The following CORO7 variants were observed in gnomAD, a reference collection of about 807,000 sequenced individuals.
CORO7 encodes the protein coronin 7, also known as coronin-7.
A neutral mutation model predicts 126.6 loss-of-function variants in CORO7; 107 were observed. The observed-to-expected ratio is 0.85, with a 90% CI of 0.72 to 0.99. CORO7 has a LOEUF of 0.99. Among genes scored for constraint, CORO7 ranks in the 50% least tolerant of loss-of-function variants. The pLI is 0.00. For missense variants in CORO7, 1,314 were observed against 1,255.8 expected (o/e 1.05, Z -0.70); for synonymous variants, 603 against 536.8 (o/e 1.12, Z -1.70).
chr16:4,381,251 G>T (rs750677669), intron 9 of CORO7: 2 of 1,611,352 alleles, frequency 1.2e-6, no homozygotes, highest in Non-Finnish European at 8.5e-7. Flanking sequence ...GGCCTGCGGC[G>T]CCTCGAGCGC....
chr16:4,359,611 G>C lies in CORO7; in HGVS notation c.2119C>G (p.Arg707Gly). The change falls in exon 22 of 28, where the codon CGC becomes GGC. Residue 707 changes from arginine (R) to glycine (G), a missense_variant. Arg to Gly is a moderately radical substitution (Grantham distance 125, BLOSUM62 -2). Transcript: ENST00000251166. ...TCAGCTTCATATAGGAGCAGCTGGC[G>C]CTCACTTTGGCTGCAAGGGGGTTTG... The part of the protein sequence containing the change: ...LVSGFDSQSE[R>G]QLLLYEAEAL... 1 of 1,596,948 alleles carries C rather than the reference G, an allele frequency of 6.3e-7. No individual in the cohort carries two copies. Among genetic ancestry groups the C allele is most frequent in the Non-Finnish European group, 8.6e-7 (1 of 1,169,394 alleles).
intron 6 of CORO7, among the ~76,000 whole-genome samples, chr16:4,395,984 T>TGTGC (rs2055572492): frequency 1.8e-5 from 1 of 54,578 alleles, no homozygotes; most frequent in Non-Finnish European, 4.4e-5. Flanking sequence ...AATGTGTGTG[T>TGTGC]GCATGCACAC....
At chr16:4,382,652 C>T (rs570413886) in intron 9 of CORO7, 8 of 1,553,966 alleles carry the variant, frequency 5.1e-6, no homozygotes, top group South Asian at 4.7e-5. Context: ...GCGCTGGCTG[C>T]GGTGGGGGCA....
intron 6 of CORO7, among the ~76,000 whole-genome samples, chr16:4,402,605 C>A (rs1051305221): frequency 6.6e-6 from 1 of 152,144 alleles, no homozygotes; most frequent in Non-Finnish European, 1.5e-5. Context: ...CAGGGCTGGG[C>A]GCTGGGGCTA....
At position 4,413,392 on chromosome 16, in the gene CORO7, C is replaced by T. The variant is rs2056287688; in HGVS notation, c.73G>A (p.Asp25Asn). 6.4e-7 allele frequency: 1 copy of T among 1,573,950 alleles called. No homozygotes were observed. ...RPPRRESWIS[D>N]IRAGTAPSCR... is the part of the protein sequence containing the mutation. ...GAAGGGGCGGTTCCTGCTCGAATGT[C>T]ACTGATCCAGGACTGAAAATCAAGA... is the stretch of plus-strand genomic sequence containing the variant. Residue 25 changes from aspartate (D) to asparagine (N), a missense_variant, in exon 2 of 28, where the codon GAC becomes AAC. Coordinates refer to ENST00000251166, the MANE Select transcript of CORO7 (RefSeq NM_024535.5).
rs763561672 is a variant in CORO7 at position 4,362,202 on chromosome 16, G to A, written c.1403-42C>T. 2.4e-5 allele frequency: 38 copies of A among 1,576,578 alleles called. No individual in the cohort carries two copies. Among genetic ancestry groups the A allele is most frequent in the African/African-American group, 1.5e-4 (11 of 73,868 alleles). On this transcript the variant is annotated intron_variant, in intron 15 of 27. Transcript: ENST00000251166. The surrounding 1 kb of genome is among the most constrained non-coding windows in gnomAD (Gnocchi z 5.3). ...ACATGGAACCACGTGTGAGGATGCCGTCCCCGCCCGCCCTGCACTCTTTGA... is the reference window on the plus strand; with the variant it reads ...ACATGGAACCACGTGTGAGGATGCCATCCCCGCCCGCCCTGCACTCTTTGA...
At chr16:4,416,380 C>T in intron 1 of CORO7, 79 bp downstream of exon 1, 1 of 1,453,428 alleles carries the variant, frequency 6.9e-7, no homozygotes. Context: ...TGGAGGGCAC[C>T]CCTGTGGGGT....
At chr16:4,386,002 C>G (rs2055180693) in intron 9 of CORO7, among the ~76,000 whole-genome samples, 1 of 152,224 alleles carries the variant, frequency 6.6e-6, no homozygotes. Context: ...GCTCAGAGGC[C>G]CCGGCACCCC....
intron 7 of CORO7, among the ~76,000 whole-genome samples, chr16:4,394,736 A>C (rs1053783748): frequency 6.6e-6 from 1 of 152,200 alleles, no homozygotes; most frequent in Non-Finnish European, 1.5e-5. Context: ...TCCTGCCTAC[A>C]AGGTCTCTGT....
chr16:4,376,027 G>A (rs2054713571), intron 9 of CORO7, among the ~76,000 whole-genome samples: 1 of 152,176 alleles, frequency 6.6e-6, no homozygotes, highest in Non-Finnish European at 1.5e-5. Context: ...GGTGGTGGAT[G>A]GAGTAAGAAA....
At chr16:4,392,530 C>A (rs913439398) in intron 7 of CORO7, among the ~76,000 whole-genome samples, 1 of 152,308 alleles carries the variant, frequency 6.6e-6, no homozygotes, top group African/African-American at 2.4e-5. Flanking sequence ...GGAGGGCGGA[C>A]TCCCTGGCCC....
At chr16:4,402,841 G>A (rs1004937218) in intron 6 of CORO7, among the ~76,000 whole-genome samples, 5 of 152,266 alleles carry the variant, frequency 3.3e-5, no homozygotes, top group Admixed American at 1.3e-4. Context: ...AGGAGAGCGC[G>A]CCCCCTAGCG....
intron 6 of CORO7, among the ~76,000 whole-genome samples, chr16:4,400,915 G>A (rs191419255): frequency 2.6e-4 from 40 of 152,160 alleles, no homozygotes; most frequent in Admixed American, 7.2e-4. Flanking sequence ...AGGAGGTAAG[G>A]AATATGGAAA....
intron 7 of CORO7, among the ~76,000 whole-genome samples, chr16:4,394,689 C>T (rs1043321333): frequency 5.3e-5 from 8 of 152,234 alleles, no homozygotes; most frequent in Non-Finnish European, 1.0e-4. Context: ...GCAATGTTTA[C>T]GGAGCCAGAC....
Position 4,362,763 on chromosome 16 carries a change from A to C in CORO7, c.1276-25T>G. The C allele has an allele frequency of 7.4e-7, 1 of 1,357,198 alleles. No individual in the cohort carries two copies. Among genetic ancestry groups the C allele is most frequent in the African/African-American group, 1.5e-5 (1 of 66,026 alleles). The allele number at this position is 1,357,198 out of a possible 1,614,324, so 84.1% of individuals were successfully genotyped here. The stretch of plus-strand genomic sequence containing the variant: ...CCTGGGGAGGGGCATGGGGTCAGCC[A>C]GCCTGCTCCTAGGTGTACTGGCCAA... On this transcript the variant is annotated intron_variant, in intron 14 of 27. Coordinates refer to ENST00000251166, the MANE Select transcript of CORO7 (RefSeq NM_024535.5). This position sits in a 1 kb window ranked among gnomAD's most constrained non-coding sequence, Gnocchi z 5.3.
At chr16:4,361,127 T>C (rs1458641219) in intron 18 of CORO7, 35 bp downstream of exon 18, 2 of 1,613,278 alleles carry the variant, frequency 1.2e-6, no homozygotes, top group East Asian at 2.2e-5. Flanking sequence ...TGGGAGACAC[T>C]GGCCACCCCA....
Position 4,364,621 on chromosome 16 carries a change from G to C in CORO7, c.1113C>G (p.Ser371Arg). ...CCTGCTGGTTGTCCCCAGCCCACCA[G>C]CTATGGGGGTCGGTGGCAGGCACAC... ...AGCVPATDPH[S>R]WWAGDNQQVQ... The change falls in exon 13 of 28, where the codon AGC becomes AGG. Residue 371 changes from serine to arginine, a missense_variant. Physicochemically the swap from Ser to Arg is moderately radical, Grantham distance 110. Coordinates refer to ENST00000251166, the MANE Select transcript of CORO7 (RefSeq NM_024535.5). 6.4e-7 allele frequency: 1 copy of C among 1,569,404 alleles called. No individual in the cohort carries two copies.
intron 9 of CORO7, among the ~76,000 whole-genome samples, chr16:4,366,158 C>A (rs990711180): frequency 6.6e-6 from 1 of 152,212 alleles, no homozygotes. Flanking sequence ...GGAGAAGGGG[C>A]TCCTCCGGCC....
intron 14 of CORO7, 137 bp downstream of exon 14, chr16:4,364,139 T>C: frequency 2.5e-6 from 3 of 1,209,388 alleles, no homozygotes; most frequent in African/African-American, 1.6e-5. Context: ...TGAGCCGAGG[T>C]TGCGCCACTG....
Sources: gnomAD v4.1 joint callset for allele counts (sites outside exome capture counted in the v4.1 genomes callset) on GRCh38, gnomAD v4.1.1 for gene constraint, Gnocchi (gnomAD v3.1) non-coding constraint, MANE v1.5 for transcripts, NCBI Gene and HGNC (gene_info 2026-07-23, HGNC 2026-07-21) for gene names.